CSNK1G1: variants seen among roughly 807,000 people sequenced by gnomAD.
CSNK1G1 encodes casein kinase 1 gamma 1.
In CSNK1G1, 22 loss-of-function variants were observed where a neutral mutation model predicts 59.6. The ratio of observed to expected loss-of-function variants is 0.37; its 90% CI spans 0.26 to 0.53. CSNK1G1 has a LOEUF of 0.53. Ranked by LOEUF, CSNK1G1 falls within the 20% of genes least tolerant of loss-of-function variation. The pLI is 0.89. For missense variants in CSNK1G1, 384 were observed against 519.5 expected (o/e 0.74, Z 2.54); for synonymous variants, 179 against 177.1 (o/e 1.01, Z -0.08).
chr15:64,225,751 C>A (rs1370980254), intron 4 of CSNK1G1, among the ~76,000 whole-genome samples: 3 of 152,142 alleles, frequency 2.0e-5, no homozygotes, highest in African/African-American at 7.2e-5. Context: ...CTCAGCCTCC[C>A]AAGTAACTGG....
chr15:64,259,388 G>A, intron 2 of CSNK1G1, 147 bp from the exon 3 acceptor site: 2 of 600,598 alleles, frequency 3.3e-6, no homozygotes, highest in South Asian at 2.3e-5. Flanking sequence ...AAAAGCTACA[G>A]AGATAATGAG....
intron 2 of CSNK1G1, among the ~76,000 whole-genome samples, chr15:64,272,979 C>T (rs1053067006): frequency 1.3e-5 from 2 of 152,226 alleles, no homozygotes; most frequent in African/African-American, 4.8e-5. Context: ...GCTGAAATTA[C>T]AGGCATGAGC....
chr15:64,284,041 G>A (rs1894281500), intron 2 of CSNK1G1, among the ~76,000 whole-genome samples: 1 of 152,006 alleles, frequency 6.6e-6, no homozygotes, highest in African/African-American at 2.4e-5. Flanking sequence ...CGTCCAACTT[G>A]AATCTTTTGA....
At position 64,171,491 on chromosome 15, in the gene CSNK1G1, C is replaced by T. The variant is rs745497283; in HGVS notation, c.*440G>A. On this transcript the variant is annotated 3_prime_UTR_variant, in exon 12 of 12. Coordinates refer to ENST00000303052, the MANE Select transcript of CSNK1G1 (RefSeq NM_022048.5). This position sits in a 1 kb window ranked among gnomAD's most constrained non-coding sequence, Gnocchi z 4.8. ...TGCCATTTTCCTCCTACCTTCTTGG[C>T]CTTACCCCCAGCCTCTTGATCTCCT... 1.6e-4 allele frequency: 26 copies of T among 164,462 alleles called. No homozygotes were observed. The highest frequency in any genetic ancestry group is 2.4e-4 in the Non-Finnish European group (18 of 75,040). The allele number at this position is 164,462 out of a possible 1,614,324, so 10.2% of individuals were successfully genotyped here.
chr15:64,204,315 C>T (rs1469999002), intron 9 of CSNK1G1, 126 bp downstream of exon 9: 3 of 805,934 alleles, frequency 3.7e-6, no homozygotes, highest in Non-Finnish European at 5.6e-6. Context: ...AATATACAGT[C>T]TACGATCAAA....
At chr15:64,265,533 C>T (rs188589806) in intron 2 of CSNK1G1, among the ~76,000 whole-genome samples, 1 of 152,220 alleles carries the variant, frequency 6.6e-6, no homozygotes, top group Admixed American at 6.6e-5. Flanking sequence ...GATTGTGAGG[C>T]CTCCCAGCTA....
chr15:64,184,413 G>A lies in CSNK1G1; in HGVS notation c.1108-3959C>T, dbSNP rs527422539. ...TATTTGCGGCCAGGCACGGTGGCTCGTGCCTGTAATCCTAGCACTTTGGGA... is the reference window on the plus strand; with the variant it reads ...TATTTGCGGCCAGGCACGGTGGCTCATGCCTGTAATCCTAGCACTTTGGGA... On this transcript the variant is annotated intron_variant, in intron 10 of 11. Transcript: ENST00000303052. 1.7e-4 allele frequency among the ~76,000 whole-genome samples: 26 copies of A among 151,734 alleles called. 1 individual carries two copies. In the South Asian group the frequency reaches 4.6e-3, roughly 27 times the overall value.
intron 1 of CSNK1G1, among the ~76,000 whole-genome samples, chr15:64,302,289 C>CG (rs2140405844): frequency 6.6e-6 from 1 of 152,016 alleles, no homozygotes; most frequent in African/African-American, 2.4e-5. Context: ...TTAGTAGAGA[C>CG]GGGGTTTCAC....
intron 4 of CSNK1G1, among the ~76,000 whole-genome samples, chr15:64,227,894 T>C (rs756216944): frequency 6.6e-6 from 1 of 152,210 alleles, no homozygotes; most frequent in Admixed American, 6.5e-5. Flanking sequence ...AATGTTCTTT[T>C]TCATCTGTGT....
At chr15:64,330,024 C>G (rs897323325) in intron 1 of CSNK1G1, among the ~76,000 whole-genome samples, 1 of 150,178 alleles carries the variant, frequency 6.7e-6, no homozygotes, top group African/African-American at 2.5e-5. Flanking sequence ...GAAATTGTGG[C>G]AATAATCAAT....
At chr15:64,237,171 C>G (rs544485068) in intron 4 of CSNK1G1, among the ~76,000 whole-genome samples, 35 of 152,178 alleles carry the variant, frequency 2.3e-4, no homozygotes, top group African/African-American at 8.2e-4. Context: ...TTGGTAGGTA[C>G]ACAATGTATG....
chr15:64,246,593 A>T (rs1001968970), intron 4 of CSNK1G1, among the ~76,000 whole-genome samples: 2 of 135,632 alleles, frequency 1.5e-5, no homozygotes, highest in Admixed American at 1.5e-4. Context: ...ACTACACTCT[A>T]GCCTCAGAAT....
chr15:64,245,385 T>C (rs1396144909), intron 4 of CSNK1G1, among the ~76,000 whole-genome samples: 1 of 152,218 alleles, frequency 6.6e-6, no homozygotes, highest in Non-Finnish European at 1.5e-5. Context: ...CCAGGATATA[T>C]ATGCAATTCA....
intron 1 of CSNK1G1, among the ~76,000 whole-genome samples, chr15:64,339,961 GT>G (rs919318145): frequency 6.6e-6 from 1 of 151,968 alleles, no homozygotes; most frequent in Admixed American, 6.6e-5. Flanking sequence ...TTTTGATGTT[GT>G]TTTTTTAATT....
chr15:64,244,560 C>G (rs566374610), intron 4 of CSNK1G1, among the ~76,000 whole-genome samples: 1 of 152,250 alleles, frequency 6.6e-6, no homozygotes, highest in African/African-American at 2.4e-5. Context: ...ACAGAAGACT[C>G]TGAATAGCCA....
intron 2 of CSNK1G1, among the ~76,000 whole-genome samples, chr15:64,276,946 CAA>C (rs1304321213): frequency 2.8e-4 from 15 of 54,454 alleles, no homozygotes; most frequent in African/African-American, 3.6e-4. Flanking sequence ...GACTCCATCT[CAA>C]AAAAAAAAAA....
chr15:64,354,221 C>T (rs1335014434), intron 1 of CSNK1G1, among the ~76,000 whole-genome samples: 1 of 152,160 alleles, frequency 6.6e-6, no homozygotes, highest in Non-Finnish European at 1.5e-5. Context: ...AGGAGAATCG[C>T]TTGAATCCTG....
At chr15:64,246,227 A>G (rs1315460481) in intron 4 of CSNK1G1, among the ~76,000 whole-genome samples, 4 of 152,204 alleles carry the variant, frequency 2.6e-5, no homozygotes, top group South Asian at 2.1e-4. Context: ...TTATGTATCA[A>G]TTTTAAAAAT....
intron 1 of CSNK1G1, among the ~76,000 whole-genome samples, chr15:64,344,573 G>A (rs1897844763): frequency 6.6e-6 from 1 of 152,094 alleles, no homozygotes; most frequent in African/African-American, 2.4e-5. Flanking sequence ...GTGACACCTG[G>A]TACCTGAAAG....
Sources: gnomAD v4.1 joint callset for allele counts (sites outside exome capture counted in the v4.1 genomes callset) on GRCh38, gnomAD v4.1.1 for gene constraint, Gnocchi (gnomAD v3.1) non-coding constraint, MANE v1.5 for transcripts, NCBI Gene and HGNC (gene_info 2026-07-23, HGNC 2026-07-21) for gene names.